The following ZNF486 variants were observed in gnomAD, a reference collection of about 807,000 sequenced individuals.
ZNF486 encodes zinc finger protein 486.
ZNF486 carries 12 observed loss-of-function variants against 12.8 expected under a neutral mutation model. The ratio of observed to expected loss-of-function variants is 0.94; its 90% CI spans 0.60 to 1.52. ZNF486 has a LOEUF of 1.52. Ranked by LOEUF, ZNF486 falls within the 40% of genes most tolerant of loss-of-function variation. The pLI, the probability that ZNF486 is intolerant of heterozygous loss-of-function variation, is 0.00. For synonymous variants in ZNF486, 231 were observed against 184.9 expected (o/e 1.25, Z -2.02); for missense variants, 738 against 545.0 (o/e 1.35, Z -3.53).
At chr19:20,177,583 C>T (rs781975947) in intron 1 of ZNF486, among the ~76,000 whole-genome samples, 3 of 152,066 alleles carry the variant, frequency 2.0e-5, no homozygotes, top group South Asian at 2.1e-4. Context: ...AAAATAAAAA[C>T]GTTTGTTTTT....
chr19:20,181,266 G>A lies in ZNF486; in HGVS notation c.31-3090G>A, dbSNP rs540792695. Among the ~76,000 whole-genome samples the A allele has an allele frequency of 8.2e-4, 124 of 151,816 alleles. 1 individual carries two copies. The South Asian group carries it at 0.022, about 27-fold the overall frequency. On this transcript the variant is annotated intron_variant, in intron 1 of 3. Coordinates refer to ENST00000335117, the MANE Select transcript of ZNF486 (RefSeq NM_052852.4). ...GATGAAAGGGAAAAATAGTCCGGGC[G>A]CGGTGGCTCACGCCTGTAATCCCAG...
chr19:20,176,972 T>C (rs1430234316), intron 1 of ZNF486: 2 of 152,258 alleles, frequency 1.3e-5, no homozygotes, highest in South Asian at 2.1e-4. Flanking sequence ...GTCACCATTA[T>C]AAGTAGAAAC....
At chr19:20,183,501 C>T (rs1382508026) in intron 1 of ZNF486, among the ~76,000 whole-genome samples, 2 of 152,098 alleles carry the variant, frequency 1.3e-5, no homozygotes, top group Non-Finnish European at 2.9e-5. Flanking sequence ...TAGCATAAAA[C>T]ATGTTTCTTT....
In ZNF486 at chr19:20,167,337, G is replaced by A. The variant is rs1215591875; in HGVS notation, c.7G>A (p.Gly3Arg). 2 of 1,614,034 alleles carry A rather than the reference G, an allele frequency of 1.2e-6. No individual in the cohort carries two copies. The highest frequency in any genetic ancestry group is 4.5e-5 in the East Asian group (2 of 44,874). The stretch of plus-strand genomic sequence containing the variant: ...TGGGAGATCCACAGCCAAGATGCCG[G>A]GACCCCTTAGAAGCCTAGAAATGGT... MP[G>R]PLRSLEMESL... is the part of the protein sequence containing the mutation. Residue 3 changes from glycine (G) to arginine (R), a missense_variant, in exon 1 of 4, where the codon GGA becomes AGA. Gly to Arg is a moderately radical substitution (Grantham distance 125). Coordinates refer to ENST00000335117, the MANE Select transcript of ZNF486 (RefSeq NM_052852.4).
At chr19:20,185,518 C>T (rs555045492) in intron 2 of ZNF486, among the ~76,000 whole-genome samples, 5 of 140,680 alleles carry the variant, frequency 3.6e-5, no homozygotes, top group African/African-American at 1.1e-4. Flanking sequence ...TCAAGCAATT[C>T]TCCTGTCTGA....
At chr19:20,176,670 C>T (rs993921253) in intron 1 of ZNF486, 24 of 158,268 alleles carry the variant, frequency 1.5e-4, no homozygotes, top group Admixed American at 8.4e-4. Context: ...CAAAAAAGTA[C>T]GAAAACCAGT....
chr19:20,187,577 C>G (rs1052826954), intron 3 of ZNF486, among the ~76,000 whole-genome samples: 11 of 149,636 alleles, frequency 7.4e-5, no homozygotes, highest in African/African-American at 2.2e-4. Context: ...TCTCAGCTCA[C>G]TGCAACCTCC....
At chr19:20,188,573 A>G in intron 3 of ZNF486, 1 of 397,706 alleles carries the variant, frequency 2.5e-6, no homozygotes, top group Non-Finnish European at 4.4e-6. Flanking sequence ...GGTACCTGCT[A>G]CTTGGGAGAT....
intron 1 of ZNF486, among the ~76,000 whole-genome samples, chr19:20,168,850 T>A (rs1229766446): frequency 2.0e-5 from 3 of 150,516 alleles, no homozygotes; most frequent in African/African-American, 4.9e-5. Context: ...TAAAAAAAAT[T>A]TTTTTTTTTT....
chr19:20,175,696 T>C (rs1306161280), intron 1 of ZNF486, among the ~76,000 whole-genome samples: 3 of 152,190 alleles, frequency 2.0e-5, no homozygotes, highest in African/African-American at 7.2e-5. Flanking sequence ...TTTTTCTTAG[T>C]ACAGACCAAA....
intron 1 of ZNF486, among the ~76,000 whole-genome samples, chr19:20,168,381 G>A (rs1257919553): frequency 6.6e-6 from 1 of 152,158 alleles, no homozygotes; most frequent in Non-Finnish European, 1.5e-5. Context: ...AGGGCCAGGC[G>A]CAGTGGCTCA....
In ZNF486 at chr19:20,197,831, G is replaced by T. The variant is rs1555718315; in HGVS notation, c.1121G>T (p.Gly374Val). The T allele has an allele frequency of 6.2e-7, 1 of 1,613,700 alleles. No homozygotes were observed. Among genetic ancestry groups the T allele is most frequent in the African/African-American group, 1.3e-5 (1 of 75,002 alleles). Residue 374 changes from glycine (G) to valine (V), a missense_variant, in exon 4 of 4, where the codon GGA (glycine) becomes GTA (valine). By Grantham distance (109) the Gly-to-Val change is moderately radical (BLOSUM62 -3). Coordinates refer to ENST00000335117, the MANE Select transcript of ZNF486 (RefSeq NM_052852.4). Reference sequence around the variant, plus strand: ...ACTATGCATAAGATAATTCATACTGGAGAGAAACCATACAAATGTGAAGAA... The same window carrying T: ...ACTATGCATAAGATAATTCATACTGTAGAGAAACCATACAAATGTGAAGAA... ...HLTMHKIIHT[G>V]EKPYKCEECG...
intron 1 of ZNF486, among the ~76,000 whole-genome samples, chr19:20,178,346 C>A (rs1555715124): frequency 6.6e-6 from 1 of 151,966 alleles, no homozygotes; most frequent in East Asian, 1.9e-4. Flanking sequence ...TGGGTTCATG[C>A]CATTCTCCTG....
intron 1 of ZNF486, among the ~76,000 whole-genome samples, chr19:20,173,793 C>T (rs2089676078): frequency 6.6e-6 from 1 of 151,678 alleles, no homozygotes; most frequent in African/African-American, 2.4e-5. Context: ...GATAGTGCCA[C>T]TGCACTCCAG....
rs1490291214 is a variant in ZNF486 at position 20,184,359 on chromosome 19, T to A, written c.34T>A (p.Ser12Thr). ...TGTGTGTGTGTGTGTTTTTCAGGAA[T>A]CATTGCAATTTAGAGATGTGGCTGT... is the stretch of plus-strand genomic sequence containing the variant. ...PGPLRSLEME[S>T]LQFRDVAVEF... is the part of the protein sequence containing the mutation. The change falls in exon 2 of 4, where the codon TCA (serine) becomes ACA (threonine). Residue 12 changes from serine (S) to threonine (T), a missense_variant. Ser to Thr is a moderately conservative substitution (Grantham distance 58). Transcript: ENST00000335117. 1.2e-6 allele frequency: 2 copies of A among 1,612,738 alleles called. No homozygotes were observed. The highest frequency in any genetic ancestry group is 2.7e-5 in the African/African-American group (2 of 74,854).
At chr19:20,180,268 TCA>T (rs2089770090) in intron 1 of ZNF486, among the ~76,000 whole-genome samples, 1 of 152,196 alleles carries the variant, frequency 6.6e-6, no homozygotes, top group East Asian at 1.9e-4. Flanking sequence ...GGTACCCAGA[TCA>T]GAGTTTCTCC....
chr19:20,199,556 C>T lies in ZNF486; in HGVS notation c.*1454C>T, dbSNP rs907558590. ...GATCAGACTGACCAAAACGGAGAAACCCAGTCTCTACTGAAAATATAAAAT... is the reference window on the plus strand; with the variant it reads ...GATCAGACTGACCAAAACGGAGAAATCCAGTCTCTACTGAAAATATAAAAT... On this transcript the variant is annotated 3_prime_UTR_variant, in exon 4 of 4. Coordinates refer to ENST00000335117, the MANE Select transcript of ZNF486 (RefSeq NM_052852.4). 1.3e-5 allele frequency: 2 copies of T among 151,804 alleles called. No homozygotes were observed. Among genetic ancestry groups the T allele is most frequent in the South Asian group, 4.2e-4 (2 of 4,808 alleles). 9.4% of individuals were successfully genotyped at this position (151,804 alleles called of 1,614,324 possible).
intron 1 of ZNF486, among the ~76,000 whole-genome samples, chr19:20,177,659 C>A (rs1208126785): frequency 3.9e-5 from 6 of 152,136 alleles, no homozygotes; most frequent in African/African-American, 1.4e-4. Flanking sequence ...CTCACTAACC[C>A]CGCCTCCCAG....
At position 20,173,673 on chromosome 19, in the gene ZNF486, C is replaced by CA. The variant is rs200107422; in HGVS notation, c.30+6322dup. Among the ~76,000 whole-genome samples, 77 of 150,588 alleles carry CA rather than the reference C, an allele frequency of 5.1e-4. No individual in the cohort carries two copies. The Middle Eastern group carries it at 0.01, about 20-fold the overall frequency. ...GTGATACCCATCTCTACTAAAAATA[C>CA]AAAAAAAAATTAGTCAGGCGTGGTG... On this transcript the variant is annotated intron_variant, in intron 1 of 3. Transcript: ENST00000335117.
Sources: gnomAD v4.1 joint callset for allele counts (sites outside exome capture counted in the v4.1 genomes callset) on GRCh38, gnomAD v4.1.1 for gene constraint, MANE v1.5 for transcripts, NCBI Gene and HGNC (gene_info 2026-07-23, HGNC 2026-07-21) for gene names.